Variants in CCDC201 observed in about 807,000 individuals in gnomAD.
The protein encoded by CCDC201 is coiled-coil domain containing 201.
chr7:45,880,665 G>A, the CCDC201 span, among the ~76,000 whole-genome samples: 1 of 152,232 alleles, frequency 6.6e-6, no homozygotes, highest in Non-Finnish European at 1.5e-5. Flanking sequence ...TTACCTCAGG[G>A]TCATTGCTGC....
At chr7:45,876,497 C>T (rs561333245), upstream of CCDC201, among the ~76,000 whole-genome samples, 8 of 152,264 alleles carry the variant, frequency 5.3e-5, no homozygotes, top group African/African-American at 1.4e-4. Context: ...GGCCAGGCCA[C>T]CCCCAGGGCT....
chr7:45,881,485 C>T, the CCDC201 span, among the ~76,000 whole-genome samples: 13 of 152,076 alleles, frequency 8.5e-5, no homozygotes, highest in South Asian at 1.2e-3. Flanking sequence ...CCCCAGAGGC[C>T]GGAGTCTGGG....
intron 1 of CCDC201, among the ~76,000 whole-genome samples, chr7:45,872,537 G>T (rs1439862628): frequency 6.6e-6 from 1 of 152,190 alleles, no homozygotes; most frequent in South Asian, 2.1e-4. Flanking sequence ...GGCCTCATGA[G>T]ACAGGCCAGG....
At chr7:45,869,855 TCA>T (rs1262267352) in intron 1 of CCDC201, among the ~76,000 whole-genome samples, 1 of 151,302 alleles carries the variant, frequency 6.6e-6, no homozygotes, top group Non-Finnish European at 1.5e-5. Flanking sequence ...TCTCGCTCTG[TCA>T]CCCAGGTTGG....
chr7:45,867,568 G>A (rs529428964), intron 1 of CCDC201, among the ~76,000 whole-genome samples: 27 of 152,338 alleles, frequency 1.8e-4, no homozygotes, highest in African/African-American at 6.5e-4. Context: ...CGTATAATTA[G>A]CAAGTGCATG....
chr7:45,880,323 A>T, the CCDC201 span, among the ~76,000 whole-genome samples: 1 of 152,376 alleles, frequency 6.6e-6, no homozygotes, highest in African/African-American at 2.4e-5. Flanking sequence ...TGTAATGAAG[A>T]AAAGTTGGAA....
chr7:45,872,225 C>T (rs1392901873), intron 1 of CCDC201, among the ~76,000 whole-genome samples: 11 of 152,184 alleles, frequency 7.2e-5, no homozygotes, highest in Non-Finnish European at 1.2e-4. Flanking sequence ...ACTTCTCTGA[C>T]GAAGAAGCCC....
At chr7:45,860,169 G>A (rs2116511791) in exon 3 of CCDC201, 1 of 152,546 alleles carries the variant, frequency 6.6e-6, no homozygotes. Flanking sequence ...ATTCTCAAGG[G>A]TGAGGAGAAT....
At chr7:45,863,146 A>C (rs924470105) in exon 3 of CCDC201, 2 of 152,156 alleles carry the variant, frequency 1.3e-5, no homozygotes, top group Admixed American at 6.5e-5. Flanking sequence ...AAGCACGTAG[A>C]TCTCCCACTG....
chr7:45,870,372 A>T (rs1786731004), intron 1 of CCDC201, among the ~76,000 whole-genome samples: 1 of 152,204 alleles, frequency 6.6e-6, no homozygotes. Flanking sequence ...CAAACAATAA[A>T]CTCACCTATT....
the CCDC201 span, among the ~76,000 whole-genome samples, chr7:45,882,876 C>G: frequency 6.6e-6 from 1 of 152,234 alleles, no homozygotes. Context: ...CCCCAAACAA[C>G]TGTTCATCCC....
chr7:45,882,057 G>T, the CCDC201 span, among the ~76,000 whole-genome samples: 1 of 152,056 alleles, frequency 6.6e-6, no homozygotes, highest in South Asian at 2.1e-4. Flanking sequence ...ACATCACTTT[G>T]TTTTTTTTCC....
intron 1 of CCDC201, among the ~76,000 whole-genome samples, chr7:45,871,884 T>C (rs1210520159): frequency 1.3e-5 from 2 of 152,214 alleles, no homozygotes; most frequent in East Asian, 3.8e-4. Flanking sequence ...ATGAAAACTT[T>C]AGACAACACA....
chr7:45,883,874 T>C, the CCDC201 span, among the ~76,000 whole-genome samples: 1 of 152,098 alleles, frequency 6.6e-6, no homozygotes, highest in Non-Finnish European at 1.5e-5. Flanking sequence ...AGCTTCTGGG[T>C]GTCTGGTTGG....
chr7:45,864,560 C>T (rs1786647999), intron 2 of CCDC201, among the ~76,000 whole-genome samples: 1 of 152,162 alleles, frequency 6.6e-6, no homozygotes, highest in Admixed American at 6.5e-5. Context: ...CAGCTCCCAC[C>T]CAGCCCTGTG....
intron 1 of CCDC201, among the ~76,000 whole-genome samples, chr7:45,872,169 G>A (rs1050558901): frequency 1.4e-4 from 21 of 152,086 alleles, no homozygotes; most frequent in African/African-American, 5.1e-4. Flanking sequence ...TGAAACCACA[G>A]GCATGCATTT....
At chr7:45,883,980 T>TTTTC in the CCDC201 span, among the ~76,000 whole-genome samples, 1 of 151,112 alleles carries the variant, frequency 6.6e-6, no homozygotes, top group East Asian at 2.0e-4. Flanking sequence ...TCTTTCTTTC[T>TTTTC]TTTCTTTTCT....
At chr7:45,882,665 C>A in the CCDC201 span, among the ~76,000 whole-genome samples, 2 of 152,166 alleles carry the variant, frequency 1.3e-5, no homozygotes, top group Non-Finnish European at 2.9e-5. Context: ...TTCATAGGCA[C>A]CCCCTGGAGT....
At chr7:45,871,383 A>AC (rs397961822) in intron 1 of CCDC201, among the ~76,000 whole-genome samples, 6 of 152,044 alleles carry the variant, frequency 3.9e-5, no homozygotes, top group East Asian at 1.9e-4. Context: ...AGAAAAAAAA[A>AC]CAAAAAAATT....
Sources: allele counts gnomAD v4.1 joint callset (sites outside exome capture counted in the v4.1 genomes callset), GRCh38; gene constraint gnomAD v4.1.1; transcripts MANE v1.5; gene names NCBI Gene and HGNC (gene_info 2026-07-23, HGNC 2026-07-21).